The following GLYR1 variants were observed in gnomAD, a reference collection of about 807,000 sequenced individuals.
The protein encoded by GLYR1 is glyoxylate reductase 1 homolog, also known as cytokine-like nuclear factor N-PAC.
In GLYR1, 21 loss-of-function variants were observed where a neutral mutation model predicts 72.7. That is an observed-to-expected ratio of 0.29 (90% confidence interval 0.20 to 0.42). The LOEUF (loss-of-function observed/expected upper bound fraction) is 0.42, where lower values mean the gene tolerates loss of function less well. Among genes scored for constraint, GLYR1 ranks in the 10% least tolerant of loss-of-function variants. The pLI, the probability that GLYR1 is intolerant of heterozygous loss-of-function variation, is 1.00. For missense variants in GLYR1, 594 were observed against 712.1 expected, an observed-to-expected ratio of 0.83 and a Z score of 1.89; for synonymous variants, 392 against 270.2, an observed-to-expected ratio of 1.45 and a Z score of -4.42.
At chr16:4,835,106 T>C (rs1223257737) in intron 3 of GLYR1, among the ~76,000 whole-genome samples, 7 of 151,972 alleles carry the variant, frequency 4.6e-5, no homozygotes, top group African/African-American at 7.3e-5. Flanking sequence ...GTTCCCAATA[T>C]AGGACCAAAA....
At chr16:4,822,737 A>G (rs2084117864) in intron 7 of GLYR1, 138 bp downstream of exon 7, 2 of 722,850 alleles carry the variant, frequency 2.8e-6, no homozygotes, top group Non-Finnish European at 4.9e-6. Context: ...GCGGGCCCAT[A>G]TGGGGGCTTC....
In GLYR1 at chr16:4,803,285, AT is replaced by A. The variant is rs1336270335; in HGVS notation, c.*1950del. ...CATGTTTTGTTTTTGCCATTTAAACATTATCACACAATCCTATTCTGAAAGA... is the reference window on the plus strand; with the variant it reads ...CATGTTTTGTTTTTGCCATTTAAACATATCACACAATCCTATTCTGAAAGA... On this transcript the variant is annotated 3_prime_UTR_variant, in exon 16 of 16. Coordinates refer to ENST00000321919, the MANE Select transcript of GLYR1 (RefSeq NM_032569.4). 3 of 152,640 alleles carry A rather than the reference AT, an allele frequency of 2.0e-5. No individual in the cohort carries two copies. Among genetic ancestry groups the A allele is most frequent in the Non-Finnish European group, 4.4e-5 (3 of 67,984 alleles). The allele number at this position is 152,640 out of a possible 1,614,324, so 9.5% of individuals were successfully genotyped here.
intron 15 of GLYR1, 55 bp downstream of exon 15, chr16:4,811,115 A>AT (rs2083301428): frequency 6.4e-7 from 1 of 1,569,210 alleles, no homozygotes; most frequent in African/African-American, 1.4e-5. Flanking sequence ...AAAAAAAAAA[A>AT]AAAGAAAGAA....
chr16:4,826,819 G>A (rs775931898), intron 5 of GLYR1, among the ~76,000 whole-genome samples: 1 of 152,038 alleles, frequency 6.6e-6, no homozygotes, highest in Non-Finnish European at 1.5e-5. Flanking sequence ...ATTGTGGCTG[G>A]GGCAGCACAG....
chr16:4,813,838 G>C lies in GLYR1; in HGVS notation c.1018C>G (p.Leu340Val). 1.2e-6 allele frequency: 2 copies of C among 1,608,112 alleles called. No homozygotes were observed. Among genetic ancestry groups the C allele is most frequent in the Non-Finnish European group, 1.7e-6 (2 of 1,176,362 alleles). Residue 340 changes from leucine to valine, a missense_variant and splice_region_variant, in exon 12 of 16, where the codon CTG (leucine) becomes GTG (valine). By Grantham distance (32) the Leu-to-Val change is conservative. Transcript: ENST00000321919. ...CVSDPKAAKD[L>V]VLGPSGVLQG... ...AGCACACCACTGGGGCCCAGCACCAGCTGTGGGGACACAAGGGAGAAGCAA... is the reference window on the plus strand; with the variant it reads ...AGCACACCACTGGGGCCCAGCACCACCTGTGGGGACACAAGGGAGAAGCAA...
intron 15 of GLYR1, 68 bp downstream of exon 15, chr16:4,811,102 T>TAAAA: frequency 5.5e-6 from 8 of 1,450,748 alleles, no homozygotes; most frequent in East Asian, 4.8e-5. Flanking sequence ...GAGACTCCGT[T>TAAAA]AAAAAAAAAA....
chr16:4,809,812 T>C (rs1181125898), intron 15 of GLYR1, among the ~76,000 whole-genome samples: 1 of 151,174 alleles, frequency 6.6e-6, no homozygotes, highest in Non-Finnish European at 1.5e-5. Flanking sequence ...TAATCCCAGC[T>C]ACTCAAGAGG....
intron 9 of GLYR1, among the ~76,000 whole-genome samples, chr16:4,820,775 G>A (rs758836185): frequency 1.3e-5 from 2 of 152,230 alleles, no homozygotes; most frequent in African/African-American, 4.8e-5. Flanking sequence ...CTGCGGAGGA[G>A]ACATGCCTAC....
intron 3 of GLYR1, chr16:4,843,689 T>C (rs1333138528): frequency 8.2e-7 from 1 of 1,226,982 alleles, no homozygotes; most frequent in African/African-American, 1.6e-5. Flanking sequence ...GCTTTCTAAG[T>C]AGAAATACTT....
Position 4,821,564 on chromosome 16 carries a change from A to C in GLYR1, c.715T>G (p.Leu239Val). The C allele has an allele frequency of 6.2e-7, 1 of 1,614,108 alleles. No individual in the cohort carries two copies. Among genetic ancestry groups the C allele is most frequent in the Non-Finnish European group, 8.5e-7 (1 of 1,180,034 alleles). The change falls in exon 8 of 16, where the codon TTG becomes GTG. Residue 239 changes from leucine to valine, a missense_variant. Leu to Val is a conservative substitution (Grantham distance 32, BLOSUM62 1). This residue lies in a region of GLYR1 where 252 missense variants were observed against 211.3 expected (regional missense o/e 1.19). Coordinates refer to ENST00000321919, the MANE Select transcript of GLYR1 (RefSeq NM_032569.4). ...CTACATACCTCTTCACATATTTTCA[A>C]CTTCTTCGTGATTGCCTGGTAACAG... ...AVCYQAITKK[L>V]KICEEETGST... is the part of the protein sequence containing the mutation.
intron 13 of GLYR1, 75 bp from the exon 14 acceptor site, chr16:4,811,877 G>A (rs535460107): frequency 5.5e-4 from 825 of 1,513,638 alleles, no homozygotes; most frequent in South Asian, 7.4e-4. Flanking sequence ...CCTCACCTCT[G>A]CTCAGACCCA....
At chr16:4,812,857 C>T (rs1392037657) in intron 12 of GLYR1, among the ~76,000 whole-genome samples, 3 of 148,656 alleles carry the variant, frequency 2.0e-5, no homozygotes, top group Admixed American at 6.8e-5. Context: ...AGTGCAGTGG[C>T]GCAATCTCAG....
At chr16:4,805,684 T>C (rs1422975777) in intron 15 of GLYR1, among the ~76,000 whole-genome samples, 1 of 151,740 alleles carries the variant, frequency 6.6e-6, no homozygotes, top group East Asian at 1.9e-4. Context: ...CTACTAAAAA[T>C]ACAAAAATTA....
rs1358870572 is a variant in GLYR1 at position 4,805,112 on chromosome 16, G to A, written c.*124C>T. ...TGCTGTGCTGATGGCAAGTCTCAAA[G>A]TCTGTATAAAAGGAAATGGAGATAG... On this transcript the variant is annotated 3_prime_UTR_variant, in exon 16 of 16. Coordinates refer to ENST00000321919, the MANE Select transcript of GLYR1 (RefSeq NM_032569.4). 7 of 793,466 alleles carry A rather than the reference G, an allele frequency of 8.8e-6. No homozygotes were observed. Among genetic ancestry groups the A allele is most frequent in the South Asian group, 1.5e-5 (1 of 68,788 alleles). 49.2% of individuals were successfully genotyped at this position (793,466 alleles called of 1,614,324 possible). A position where few individuals can be genotyped will look rare whatever the true frequency, so the allele number is the denominator to read the frequency against.
Position 4,822,949 on chromosome 16 carries a change from T to G in GLYR1, c.625-18A>C. On this transcript the variant is annotated intron_variant, in intron 6 of 15. Coordinates refer to ENST00000321919, the MANE Select transcript of GLYR1 (RefSeq NM_032569.4). ...TTAACAGGCTGAAACCAGAAAACAG[T>G]GAAATAAAACCAGTTATCTGCCACC... 6.2e-7 allele frequency: 1 copy of G among 1,612,270 alleles called. No individual in the cohort carries two copies. Among genetic ancestry groups the G allele is most frequent in the Non-Finnish European group, 8.5e-7 (1 of 1,178,278 alleles).
intron 1 of GLYR1, chr16:4,846,553 C>G: frequency 3.4e-6 from 1 of 292,812 alleles, no homozygotes; most frequent in East Asian, 7.5e-5. Context: ...GGAGACCTGC[C>G]TGGCTTTGAC....
At chr16:4,805,794 C>A (rs983090484) in intron 15 of GLYR1, among the ~76,000 whole-genome samples, 1 of 151,632 alleles carries the variant, frequency 6.6e-6, no homozygotes, top group Non-Finnish European at 1.5e-5. Flanking sequence ...TGGTGACCGT[C>A]GTGAAACCCC....
chr16:4,811,392 C>G (rs546240823), intron 14 of GLYR1, 98 bp from the exon 15 acceptor site: 1 of 1,520,392 alleles, frequency 6.6e-7, no homozygotes, highest in East Asian at 2.3e-5. Flanking sequence ...ATACTCAGGG[C>G]TCAGTTCCAC....
At chr16:4,836,631 A>G (rs2085150755) in intron 3 of GLYR1, among the ~76,000 whole-genome samples, 1 of 152,206 alleles carries the variant, frequency 6.6e-6, no homozygotes, top group Non-Finnish European at 1.5e-5. Context: ...ATAAAAAGCA[A>G]TGCATGTTAT....
Sources: allele counts gnomAD v4.1 joint callset (sites outside exome capture counted in the v4.1 genomes callset), GRCh38; gene constraint gnomAD v4.1.1; regional missense constraint gnomAD v4.1.1; transcripts MANE v1.5; gene names NCBI Gene and HGNC (gene_info 2026-07-23, HGNC 2026-07-21).